The following DCAF6 variants were observed in gnomAD, a reference collection of about 807,000 sequenced individuals.
DCAF6 encodes DDB1- and CUL4-associated factor 6.
A neutral mutation model predicts 125.1 loss-of-function variants in DCAF6; 54 were observed. The observed-to-expected ratio is 0.43, with a 90% CI of 0.35 to 0.54. The LOEUF is 0.54. Ranked by LOEUF, DCAF6 falls within the 20% of genes least tolerant of loss-of-function variation. The pLI is 0.01. For synonymous variants in DCAF6, 371 were observed against 390.4 expected, an observed-to-expected ratio of 0.95 and a Z score of 0.58; for missense variants, 934 against 1,161.7, an observed-to-expected ratio of 0.80 and a Z score of 2.85.
the DCAF6 span, among the ~76,000 whole-genome samples, chr1:167,865,956 C>T: frequency 7.9e-5 from 12 of 152,324 alleles, no homozygotes; most frequent in South Asian, 1.7e-3. Flanking sequence ...GGTCAGCCCC[C>T]GAGGGCCATC....
intron 10 of DCAF6, among the ~76,000 whole-genome samples, chr1:168,007,806 G>A (rs950161815): frequency 6.6e-6 from 1 of 151,906 alleles, no homozygotes; most frequent in Non-Finnish European, 1.5e-5. Flanking sequence ...TTCTCTGGGT[G>A]ATTGTGTCAG....
rs1468897613 is a variant in DCAF6, at chr1:167,987,743, A to C, written c.552+135A>C. 3 of 485,644 alleles carry C rather than the reference A, an allele frequency of 6.2e-6. No individual in the cohort carries two copies. The East Asian group carries it at 9.0e-5, about 15-fold the overall frequency. The allele number at this position is 485,644 out of a possible 1,614,324, so 30.1% of individuals were successfully genotyped here. On this transcript the variant is annotated intron_variant, in intron 5 of 21. Coordinates refer to ENST00000367840, the MANE Select transcript of DCAF6 (RefSeq NM_001198956.2). ...ATGGTAAGATTATGGGTGAATTTTT[A>C]AATTTTTGTTTTGCTAAAATATTTA...
intron 12 of DCAF6, among the ~76,000 whole-genome samples, chr1:168,033,242 A>G (rs1437217456): frequency 6.6e-6 from 1 of 151,892 alleles, no homozygotes; most frequent in Non-Finnish European, 1.5e-5. Flanking sequence ...GCTTATTCTG[A>G]ATTTTTTTTC....
At chr1:168,038,176 T>G (rs1446847050) in intron 12 of DCAF6, among the ~76,000 whole-genome samples, 195 bp from the exon 13 acceptor site, 1 of 152,218 alleles carries the variant, frequency 6.6e-6, no homozygotes, top group African/African-American at 2.4e-5. Flanking sequence ...AAGCTAGAAC[T>G]TGATGTAGTG....
chr1:167,999,208 C>A (rs899614615), intron 7 of DCAF6, among the ~76,000 whole-genome samples: 2 of 152,086 alleles, frequency 1.3e-5, no homozygotes, highest in Non-Finnish European at 2.9e-5. Context: ...TTTTTCTGAG[C>A]AGTAGGTCTC....
chr1:167,935,969 C>T, upstream of DCAF6: 2 of 705,118 alleles, frequency 2.8e-6, no homozygotes, highest in South Asian at 1.7e-5. Context: ...CTGGAGTACC[C>T]TTCCCGCGGC....
the DCAF6 span, among the ~76,000 whole-genome samples, chr1:167,922,043 G>T: frequency 6.6e-6 from 1 of 152,138 alleles, no homozygotes; most frequent in Non-Finnish European, 1.5e-5. Context: ...TAGAACATAT[G>T]TGGCTTGCAG....
At chr1:167,937,305 T>C (rs1671430614) in intron 1 of DCAF6, 1 of 419,134 alleles carries the variant, frequency 2.4e-6, no homozygotes, top group South Asian at 3.0e-5. Flanking sequence ...CTCGGGAGAC[T>C]TGCGGAACCT....
intron 11 of DCAF6, among the ~76,000 whole-genome samples, chr1:168,018,888 C>T (rs1221592637): frequency 6.6e-6 from 1 of 152,052 alleles, no homozygotes; most frequent in Non-Finnish European, 1.5e-5. Flanking sequence ...TTGGGCAGGT[C>T]ATTTGACTGC....
chr1:167,865,992 TC>T, the DCAF6 span, among the ~76,000 whole-genome samples: 1 of 152,218 alleles, frequency 6.6e-6, no homozygotes, highest in Non-Finnish European at 1.5e-5. Flanking sequence ...AACACTAAGT[TC>T]ACTTCATGTC....
chr1:168,015,750 C>A, intron 10 of DCAF6, 31 bp from the exon 11 acceptor site: 2 of 1,414,846 alleles, frequency 1.4e-6, no homozygotes, highest in South Asian at 1.6e-5. Context: ...TTATTACTGT[C>A]TTTTCACCTT....
At chr1:167,989,624 T>C (rs1021404491) in intron 5 of DCAF6, among the ~76,000 whole-genome samples, 5 of 152,218 alleles carry the variant, frequency 3.3e-5, no homozygotes, top group Admixed American at 6.5e-5. Context: ...GGCTCACGCC[T>C]GTAATCCCAG....
At chr1:168,004,057 T>G in intron 9 of DCAF6, 68 bp downstream of exon 9, 1 of 1,550,720 alleles carries the variant, frequency 6.4e-7, no homozygotes, top group East Asian at 2.3e-5. Context: ...CCAGTTTTTA[T>G]TTCTATCATG....
chr1:167,868,261 T>C, the DCAF6 span, among the ~76,000 whole-genome samples: 112 of 152,286 alleles, frequency 7.4e-4, no homozygotes, highest in Non-Finnish European at 1.4e-3. Flanking sequence ...ATCAATGGCA[T>C]AAGAAGCCCG....
intron 6 of DCAF6, among the ~76,000 whole-genome samples, chr1:167,991,663 T>TA (rs764955220): frequency 6.6e-6 from 1 of 152,180 alleles, no homozygotes; most frequent in African/African-American, 2.4e-5. Context: ...CAGGATGTCT[T>TA]ATGATTGGTT....
the DCAF6 span, among the ~76,000 whole-genome samples, chr1:167,912,500 C>T: frequency 0.025 from 3,753 of 152,286 alleles, 144 homozygotes; most frequent in African/African-American, 0.083. Context: ...TTTTCAAGGG[C>T]TTTGTGAATG....
intron 4 of DCAF6, among the ~76,000 whole-genome samples, chr1:167,977,978 A>G (rs944198947): frequency 2.6e-5 from 4 of 152,154 alleles, no homozygotes; most frequent in African/African-American, 7.2e-5. Context: ...AACGTTATAT[A>G]AATGGAAATA....
At chr1:167,893,923 C>T in the DCAF6 span, 334 of 1,613,266 alleles carry the variant, frequency 2.1e-4, no homozygotes, top group Non-Finnish European at 2.7e-4. Flanking sequence ...CTTCAGCGTG[C>T]ATGCAAGCCT....
At chr1:168,054,941 C>T (rs1300861027) in intron 17 of DCAF6, among the ~76,000 whole-genome samples, 1 of 151,930 alleles carries the variant, frequency 6.6e-6, no homozygotes, top group Non-Finnish European at 1.5e-5. Context: ...CTCAGCCTCC[C>T]AAGTAGCTGG....
Sources: allele counts gnomAD v4.1 joint callset (sites outside exome capture counted in the v4.1 genomes callset), GRCh38; gene constraint gnomAD v4.1.1; transcripts MANE v1.5; gene names NCBI Gene and HGNC (gene_info 2026-07-23, HGNC 2026-07-21).